The following RNF2 variants were observed in gnomAD, a reference collection of about 807,000 sequenced individuals.
RNF2 encodes ring finger protein 2.
A neutral mutation model predicts 37.2 loss-of-function variants in RNF2; 6 were observed. The observed-to-expected ratio is 0.16, with a 90% confidence interval of 0.09 to 0.32. The LOEUF (loss-of-function observed/expected upper bound fraction) is 0.32, where lower values mean the gene tolerates loss of function less well. Ranked by LOEUF, RNF2 falls within the 10% of genes least tolerant of loss-of-function variation. RNF2 has a pLI of 1.00. For synonymous variants in RNF2, 133 were observed against 132.7 expected (o/e 1.00, Z -0.02); for missense variants, 251 against 404.0 (o/e 0.62, Z 3.25).
In RNF2 at chr1:185,098,445, C is replaced by A. The variant is rs1651977796; in HGVS notation, c.737+101C>A. 3.7e-6 allele frequency: 5 copies of A among 1,355,030 alleles called. No individual in the cohort carries two copies. The South Asian group carries it at 6.8e-5, about 18-fold the overall frequency. The allele number at this position is 1,355,030 out of a possible 1,614,324, so 83.9% of individuals were successfully genotyped here. ...GAAGTAGGAGCAATATTTGTCATCC[C>A]ATTGATTGCAGGGGTTCAGTTACTA... On this transcript the variant is annotated intron_variant, in intron 5 of 6. Transcript: ENST00000367510.
At chr1:185,074,263 C>G (rs1167020156) in intron 1 of RNF2, among the ~76,000 whole-genome samples, 1 of 152,134 alleles carries the variant, frequency 6.6e-6, no homozygotes, top group Non-Finnish European at 1.5e-5. Flanking sequence ...AATGGAGATT[C>G]CATTACATGG....
At chr1:185,047,475 G>T (rs954550031) in intron 1 of RNF2, among the ~76,000 whole-genome samples, 2 of 152,162 alleles carry the variant, frequency 1.3e-5, no homozygotes, top group Non-Finnish European at 2.9e-5. Flanking sequence ...AGTTTGTGGT[G>T]TCACGTCTGT....
chr1:185,074,319 C>T (rs139326166), intron 1 of RNF2, among the ~76,000 whole-genome samples: 3 of 152,236 alleles, frequency 2.0e-5, no homozygotes, highest in Non-Finnish European at 2.9e-5. Flanking sequence ...GCTGGATCTC[C>T]AAACTCTTTT....
chr1:185,060,563 A>G (rs963106896), intron 1 of RNF2, among the ~76,000 whole-genome samples: 6 of 152,230 alleles, frequency 3.9e-5, no homozygotes, highest in Admixed American at 3.9e-4. Context: ...GTAGTCCTTT[A>G]TAAGAATGTG....
Position 185,085,510 on chromosome 1 carries a change from T to G in RNF2, c.-2-2042T>G, listed in dbSNP as rs1038959443. On this transcript the variant is annotated intron_variant, in intron 1 of 6. Transcript: ENST00000367510. Reference sequence around the variant, plus strand: ...CTAATTCCGTCTCTGTGTCCATGTTTAATTGCTTTAGTTCACATAGTTAAT... The same window carrying G: ...CTAATTCCGTCTCTGTGTCCATGTTGAATTGCTTTAGTTCACATAGTTAAT... Among the ~76,000 whole-genome samples the G allele has an allele frequency of 1.2e-4, 18 of 152,192 alleles. 1 individual carries two copies. Among genetic ancestry groups the G allele is most frequent in the Admixed American group, 9.8e-4 (15 of 15,262 alleles).
chr1:185,076,678 A>C (rs1375874462), intron 1 of RNF2, among the ~76,000 whole-genome samples: 2 of 151,456 alleles, frequency 1.3e-5, no homozygotes, highest in African/African-American at 4.9e-5. Context: ...AAAGGGTTTA[A>C]ATTTTTTTTT....
chr1:185,062,891 A>G (rs1469606659), intron 1 of RNF2, among the ~76,000 whole-genome samples: 3 of 152,080 alleles, frequency 2.0e-5, no homozygotes, highest in African/African-American at 4.8e-5. Context: ...TTAAAACAAC[A>G]AAGAAGTATC....
intron 1 of RNF2, among the ~76,000 whole-genome samples, chr1:185,081,340 G>A (rs1004082589): frequency 1.3e-5 from 2 of 152,020 alleles, no homozygotes; most frequent in Non-Finnish European, 2.9e-5. Flanking sequence ...TAGTTGGTTG[G>A]CGAGAGGTCC....
At chr1:185,087,690 A>G (rs1651644081) in intron 2 of RNF2, 50 bp downstream of exon 2, 2 of 1,329,040 alleles carry the variant, frequency 1.5e-6, no homozygotes, top group Admixed American at 1.8e-5. Flanking sequence ...GTAAACTGGG[A>G]TACATTTTTA....
At chr1:185,049,655 T>A (rs181530918) in intron 1 of RNF2, among the ~76,000 whole-genome samples, 6 of 148,310 alleles carry the variant, frequency 4.0e-5, no homozygotes, top group Non-Finnish European at 4.5e-5. Flanking sequence ...ATATAGGGAG[T>A]TGGTTAGATG....
In RNF2 at chr1:185,101,227, G is replaced by A. The variant is rs553771890; in HGVS notation, c.*926G>A. On this transcript the variant is annotated 3_prime_UTR_variant, in exon 7 of 7. Transcript: ENST00000367510. ...AGCTTCCCTAATTTTTTTCTTATTTGTAGCCACATAAGTTTCAAGAATAAC... is the reference window on the plus strand; with the variant it reads ...AGCTTCCCTAATTTTTTTCTTATTTATAGCCACATAAGTTTCAAGAATAAC... 3.9e-5 allele frequency: 6 copies of A among 152,392 alleles called. No individual in the cohort carries two copies. In the East Asian group the frequency reaches 9.6e-4, roughly 25 times the overall value. The allele number at this position is 152,392 out of a possible 1,614,324, so 9.4% of individuals were successfully genotyped here. A position where few individuals can be genotyped will look rare whatever the true frequency, so the allele number is the denominator to read the frequency against.
chr1:185,081,599 G>C lies in RNF2; in HGVS notation c.-2-5953G>C, dbSNP rs908341369. 2.1e-5 allele frequency among the ~76,000 whole-genome samples: 3 copies of C among 139,742 alleles called. No individual in the cohort carries two copies. In the East Asian group the frequency reaches 7.5e-4, roughly 35 times the overall value. 91.7% of individuals were successfully genotyped at this position (139,742 alleles called of 152,430 possible). A position where few individuals can be genotyped will look rare whatever the true frequency, so the allele number is the denominator to read the frequency against. ...AGTAGAGACGGGTGGGGTGGGGGGGGGCGGTTTCACCATGTTGGCCAGGAT... is the reference window on the plus strand; with the variant it reads ...AGTAGAGACGGGTGGGGTGGGGGGGCGCGGTTTCACCATGTTGGCCAGGAT... On this transcript the variant is annotated intron_variant, in intron 1 of 6. Transcript: ENST00000367510.
chr1:185,079,519 C>T (rs189648579), intron 1 of RNF2, among the ~76,000 whole-genome samples: 178 of 152,296 alleles, frequency 1.2e-3, no homozygotes, highest in South Asian at 2.3e-3. Flanking sequence ...GCTTTTTGTT[C>T]TGTTTCTGCT....
intron 5 of RNF2, among the ~76,000 whole-genome samples, chr1:185,099,098 C>A (rs972704045): frequency 2.7e-5 from 4 of 148,732 alleles, no homozygotes; most frequent in Non-Finnish European, 3.0e-5. Context: ...GTCTCCCAGG[C>A]TGGAGTACAG....
Position 185,062,212 on chromosome 1 carries a change from C to T in RNF2, c.-3+16563C>T, listed in dbSNP as rs561022041. ...GCTGTGGGGATAGTGTTCTCATTGC[C>T]ATGTTCATATTTTGTAACCTTATTA... is the stretch of plus-strand genomic sequence containing the variant. On this transcript the variant is annotated intron_variant, in intron 1 of 6. Coordinates refer to ENST00000367510, the MANE Select transcript of RNF2 (RefSeq NM_007212.4). Among the ~76,000 whole-genome samples, 30 of 152,250 alleles carry T rather than the reference C, an allele frequency of 2.0e-4. No homozygotes were observed. The South Asian group carries it at 6.2e-3, about 32-fold the overall frequency.
At chr1:185,048,392 A>T (rs886560579) in intron 1 of RNF2, among the ~76,000 whole-genome samples, 1 of 152,198 alleles carries the variant, frequency 6.6e-6, no homozygotes, top group African/African-American at 2.4e-5. Flanking sequence ...TTGGATGCTC[A>T]AGGAGCTATA....
At chr1:185,087,146 G>T (rs1651624579) in intron 1 of RNF2, among the ~76,000 whole-genome samples, 2 of 152,064 alleles carry the variant, frequency 1.3e-5, no homozygotes. Flanking sequence ...TCAGTTTTGA[G>T]ATTTACTTCC....
chr1:185,058,879 G>A (rs950339802), intron 1 of RNF2, among the ~76,000 whole-genome samples: 3 of 152,180 alleles, frequency 2.0e-5, no homozygotes, highest in East Asian at 3.8e-4. Flanking sequence ...GTTTAGGTCT[G>A]TATATTGACT....
chr1:185,085,493 G>C (rs775503229), intron 1 of RNF2, among the ~76,000 whole-genome samples: 1 of 151,742 alleles, frequency 6.6e-6, no homozygotes, highest in African/African-American at 2.4e-5. Flanking sequence ...CTCTAATTCC[G>C]TCTCTGTGTC....
Sources: allele counts gnomAD v4.1 joint callset (sites outside exome capture counted in the v4.1 genomes callset), GRCh38; gene constraint gnomAD v4.1.1; transcripts MANE v1.5; gene names NCBI Gene and HGNC (gene_info 2026-07-23, HGNC 2026-07-21).